The following MYH15 variants were observed in gnomAD, a reference collection of about 807,000 sequenced individuals.
MYH15 encodes myosin heavy chain 15.
MYH15 carries 227 observed loss-of-function variants against 240.5 expected under a neutral mutation model. The ratio of observed to expected loss-of-function variants is 0.94; its 90% CI spans 0.85 to 1.05. MYH15 has a LOEUF of 1.05. Ranked by LOEUF, MYH15 falls within the 50% of genes least tolerant of loss-of-function variation. The probability of loss-of-function intolerance (pLI) is 0.00; values close to 1 mark genes in which losing one functional copy is unlikely to be tolerated. For synonymous variants in MYH15, 785 were observed against 796.7 expected (o/e 0.99, Z 0.25); for missense variants, 2,217 against 2,247.5 (o/e 0.99, Z 0.27).
At chr3:108,420,728 T>C (rs1204077490) in intron 28 of MYH15, among the ~76,000 whole-genome samples, 1 of 152,134 alleles carries the variant, frequency 6.6e-6, no homozygotes, top group Non-Finnish European at 1.5e-5. Flanking sequence ...TATCCAAACA[T>C]TAAAAATTTT....
chr3:108,444,013 G>A (rs1225211597), intron 22 of MYH15, among the ~76,000 whole-genome samples: 2 of 95,244 alleles, frequency 2.1e-5, no homozygotes, highest in Non-Finnish European at 3.9e-5. Flanking sequence ...TGGGGGAGGG[G>A]GGAGGGATAG....
At chr3:108,529,246 G>A (rs759600078) in intron 1 of MYH15, 1 of 1,600,490 alleles carries the variant, frequency 6.2e-7, no homozygotes, top group Non-Finnish European at 8.6e-7. Context: ...TAAAACATAT[G>A]TTGGGAGTCC....
rs761803824 is a variant in MYH15 at position 108,498,193 on chromosome 3, T to G, written c.525-48A>C. On this transcript the variant is annotated intron_variant, in intron 5 of 40. Transcript: ENST00000693548. ...ACAGTTAACTGGTTCTGATTATCAA[T>G]GCAACGAAAGTTAGGTAATTTTGAT... 50 of 1,549,366 alleles carry G rather than the reference T, an allele frequency of 3.2e-5. No homozygotes were observed. In the Middle Eastern group the frequency reaches 1.0e-3, roughly 31 times the overall value.
At chr3:108,539,252 A>G in the MYH15 span, among the ~76,000 whole-genome samples, 22 of 152,206 alleles carry the variant, frequency 1.4e-4, no homozygotes, top group Admixed American at 3.3e-4. Flanking sequence ...ATACATACTA[A>G]TGAGTCCATA....
chr3:108,403,006 T>C (rs188110119), intron 33 of MYH15, among the ~76,000 whole-genome samples: 1 of 152,210 alleles, frequency 6.6e-6, no homozygotes, highest in Non-Finnish European at 1.5e-5. Context: ...ATAACATTAT[T>C]TATTTATTAT....
At position 108,470,054 on chromosome 3, in the gene MYH15, A is replaced by T; in HGVS notation, c.1542T>A (p.Asp514Glu). 6.3e-7 allele frequency: 1 copy of T among 1,597,508 alleles called. No individual in the cohort carries two copies. Among genetic ancestry groups the T allele is most frequent in the Non-Finnish European group, 8.5e-7 (1 of 1,174,774 alleles). The change falls in exon 14 of 41, where the codon GAT (aspartate) becomes GAA (glutamate). Residue 514 changes from aspartate (D) to glutamate (E), a missense_variant. Transcript: ENST00000693548. Reference sequence around the variant, plus strand: ...AAACATATATTACCTTCTCAATGAGATCTATGCAAGCTTGCAAATCCAGAC... The same window carrying T: ...AAACATATATTACCTTCTCAATGAGTTCTATGCAAGCTTGCAAATCCAGAC... ...GFGLDLQACI[D>E]LIEKPMGILS...
At chr3:108,405,748 T>A (rs1358317853) in intron 32 of MYH15, among the ~76,000 whole-genome samples, 1 of 152,224 alleles carries the variant, frequency 6.6e-6, no homozygotes, top group African/African-American at 2.4e-5. Flanking sequence ...TTAAACTTTT[T>A]AATGTATTAC....
intron 10 of MYH15, among the ~76,000 whole-genome samples, chr3:108,486,208 T>A (rs1446724679): frequency 6.6e-6 from 1 of 152,208 alleles, no homozygotes; most frequent in Admixed American, 6.5e-5. Context: ...TGCCATTGAG[T>A]TGAAATATCT....
chr3:108,383,800 G>A (rs1214693607), intron 39 of MYH15, 71 bp from the exon 40 acceptor site: 2 of 1,223,726 alleles, frequency 1.6e-6, no homozygotes, highest in African/African-American at 3.1e-5. Context: ...TTTCTGCTCT[G>A]ACATGAGAAA....
intron 2 of MYH15, among the ~76,000 whole-genome samples, chr3:108,505,086 C>T (rs1417923208): frequency 1.3e-5 from 2 of 152,144 alleles, no homozygotes; most frequent in East Asian, 1.9e-4. Context: ...CAGCTTGCTT[C>T]GTGGTTCCTT....
chr3:108,396,754 C>G (rs928708504), intron 35 of MYH15, among the ~76,000 whole-genome samples: 6 of 152,186 alleles, frequency 3.9e-5, no homozygotes, highest in African/African-American at 1.4e-4. Flanking sequence ...ACTATTTGTT[C>G]TATACCACAT....
intron 4 of MYH15, 94 bp from the exon 5 acceptor site, chr3:108,499,576 A>G: frequency 8.3e-7 from 1 of 1,200,126 alleles, no homozygotes. Context: ...ACAATTTGAA[A>G]TCAGACACAA....
chr3:108,493,941 C>T (rs569745256), intron 7 of MYH15, among the ~76,000 whole-genome samples: 1 of 152,314 alleles, frequency 6.6e-6, no homozygotes, highest in South Asian at 2.1e-4. Flanking sequence ...CCCTTTCTTC[C>T]TTATCAGTGA....
At chr3:108,419,142 T>C (rs942914322) in intron 28 of MYH15, among the ~76,000 whole-genome samples, 7 of 152,138 alleles carry the variant, frequency 4.6e-5, no homozygotes, top group African/African-American at 9.7e-5. Flanking sequence ...CATTTACTAT[T>C]GGTTTCCTCT....
At chr3:108,526,140 G>A (rs1437178414) in intron 1 of MYH15, among the ~76,000 whole-genome samples, 1 of 151,986 alleles carries the variant, frequency 6.6e-6, no homozygotes, top group Non-Finnish European at 1.5e-5. Context: ...TGCCAAATGG[G>A]CCAATAAAGC....
intron 28 of MYH15, among the ~76,000 whole-genome samples, chr3:108,418,728 T>C (rs1037016664): frequency 6.9e-6 from 1 of 145,732 alleles, no homozygotes; most frequent in Non-Finnish European, 1.5e-5. Context: ...ACCTCCCAGG[T>C]TCAAGCGATT....
chr3:108,523,449 T>C (rs1007227540), intron 1 of MYH15, among the ~76,000 whole-genome samples: 4 of 151,988 alleles, frequency 2.6e-5, no homozygotes, highest in Non-Finnish European at 5.9e-5. Context: ...AAAAATAAAA[T>C]TGAACTTCCA....
intron 11 of MYH15, among the ~76,000 whole-genome samples, chr3:108,481,640 G>A (rs908387976): frequency 6.6e-6 from 1 of 152,132 alleles, no homozygotes; most frequent in Admixed American, 6.6e-5. Flanking sequence ...TCCTGCAATA[G>A]GAGTGCTTAC....
chr3:108,418,267 G>A (rs1261124551), intron 28 of MYH15, among the ~76,000 whole-genome samples: 3 of 152,170 alleles, frequency 2.0e-5, no homozygotes, highest in Admixed American at 2.0e-4. Context: ...CATACTTCTT[G>A]TTTTGTCACA....
Sources: gnomAD v4.1 joint callset for allele counts (sites outside exome capture counted in the v4.1 genomes callset) on GRCh38, gnomAD v4.1.1 for gene constraint, MANE v1.5 for transcripts, NCBI Gene and HGNC (gene_info 2026-07-23, HGNC 2026-07-21) for gene names.